IL1RAPL1: variants seen among roughly 807,000 people sequenced by gnomAD.
The protein encoded by IL1RAPL1 is interleukin 1 receptor accessory protein like 1, also known as interleukin-1 receptor accessory protein-like 1.
IL1RAPL1 carries 3 observed loss-of-function variants against 48.4 expected under a neutral mutation model. The ratio of observed to expected loss-of-function variants is 0.06; its 90% CI spans 0.03 to 0.16. The LOEUF (loss-of-function observed/expected upper bound fraction) is 0.16, where lower values mean the gene tolerates loss of function less well. Ranked by LOEUF, IL1RAPL1 falls within the 10% of genes least tolerant of loss-of-function variation. The pLI, the probability that IL1RAPL1 is intolerant of heterozygous loss-of-function variation, is 1.00. For missense variants in IL1RAPL1, 349 were observed against 530.6 expected (o/e 0.66, Z 3.36); for synonymous variants, 185 against 187.7 (o/e 0.99, Z 0.12).
chrX:28,652,604 G>A (rs926733185), intron 1 of IL1RAPL1, among the ~76,000 whole-genome samples: 2 of 111,876 alleles, frequency 1.8e-5, no homozygotes, highest in African/African-American at 6.5e-5. Context: ...CAATGCTGAC[G>A]GGGGACCACA....
intron 2 of IL1RAPL1, among the ~76,000 whole-genome samples, chrX:28,951,162 A>G (rs2147355312): frequency 1.0e-5 from 1 of 99,467 alleles, no homozygotes; most frequent in Admixed American, 1.1e-4. Flanking sequence ...TGGGAGATAT[A>G]CCTAATGCTA....
intron 1 of IL1RAPL1, among the ~76,000 whole-genome samples, chrX:28,638,833 C>T: frequency 9.0e-6 from 1 of 110,924 alleles, no homozygotes; most frequent in South Asian, 3.8e-4. Context: ...CTAACATGCA[C>T]ACTAAAAAGG....
intron 2 of IL1RAPL1, among the ~76,000 whole-genome samples, chrX:28,848,423 A>G (rs1921568161): frequency 9.4e-6 from 1 of 106,802 alleles, no homozygotes; most frequent in Non-Finnish European, 1.9e-5. Flanking sequence ...TCTAAATATT[A>G]GGGAATTCTG....
chrX:29,933,080 A>T (rs1486563000), intron 8 of IL1RAPL1, among the ~76,000 whole-genome samples: 1 of 111,661 alleles, frequency 9.0e-6, no homozygotes, highest in Non-Finnish European at 1.9e-5. Context: ...TGAATGAAAA[A>T]AAGAACAGAA....
intron 2 of IL1RAPL1, among the ~76,000 whole-genome samples, chrX:28,900,144 G>T (rs1260239744): frequency 1.8e-5 from 2 of 112,161 alleles, no homozygotes; most frequent in Admixed American, 1.9e-4. Flanking sequence ...CATGGGTAAG[G>T]TACTGAGCCT....
intron 2 of IL1RAPL1, among the ~76,000 whole-genome samples, chrX:28,945,750 G>A (rs913902493): frequency 3.7e-5 from 4 of 109,474 alleles, no homozygotes; most frequent in South Asian, 7.8e-4. Flanking sequence ...CTTGTATCCC[G>A]GAACGTAAAG....
intron 2 of IL1RAPL1, among the ~76,000 whole-genome samples, chrX:29,016,286 T>A (rs981267533): frequency 2.7e-5 from 3 of 111,611 alleles, no homozygotes; most frequent in African/African-American, 9.7e-5. Flanking sequence ...TTCTAGTGGC[T>A]TTGGCTAATA....
chrX:29,886,757 C>T (rs770967402), intron 6 of IL1RAPL1, among the ~76,000 whole-genome samples: 4 of 111,648 alleles, frequency 3.6e-5, no homozygotes, highest in Non-Finnish European at 5.7e-5. Flanking sequence ...AAATGCAATA[C>T]GGAGTAGCTC....
At chrX:29,667,377 C>T (rs1352140073) in intron 5 of IL1RAPL1, among the ~76,000 whole-genome samples, 1 of 112,375 alleles carries the variant, frequency 8.9e-6, no homozygotes, top group Non-Finnish European at 1.9e-5. Context: ...GTGGCCAACT[C>T]TTGGCAATTC....
At chrX:29,143,952 C>G (rs763075183) in intron 2 of IL1RAPL1, among the ~76,000 whole-genome samples, 5 of 111,643 alleles carry the variant, frequency 4.5e-5, no homozygotes, top group Non-Finnish European at 7.5e-5. Flanking sequence ...GCTTGGAGCT[C>G]TTGAGTATGA....
intron 5 of IL1RAPL1, among the ~76,000 whole-genome samples, chrX:29,448,535 A>T (rs1447775497): frequency 8.9e-6 from 1 of 112,330 alleles, no homozygotes; most frequent in Non-Finnish European, 1.9e-5. Flanking sequence ...ACTCTTTGAC[A>T]TGCATAATAC....
chrX:28,930,877 G>A (rs1007064951), intron 2 of IL1RAPL1, among the ~76,000 whole-genome samples: 4 of 110,854 alleles, frequency 3.6e-5, no homozygotes, highest in African/African-American at 6.6e-5. Flanking sequence ...TACTGACCTC[G>A]TGATCTGCTC....
chrX:29,222,045 T>C lies in IL1RAPL1; in HGVS notation c.83-60893T>C, dbSNP rs192161846. 7.3e-3 allele frequency among the ~76,000 whole-genome samples: 766 copies of C among 105,236 alleles called. 1 individual carries two copies. Among genetic ancestry groups the C allele is most frequent in the Middle Eastern group, 0.015 (3 of 202 alleles). 91.4% of individuals were successfully genotyped at this position (105,236 alleles called of 115,157 possible). A position where few individuals can be genotyped will look rare whatever the true frequency, so the allele number is the denominator to read the frequency against. On this transcript the variant is annotated intron_variant, in intron 2 of 10. Coordinates refer to ENST00000378993, the MANE Select transcript of IL1RAPL1 (RefSeq NM_014271.4). ...AAAAAAAAAAAAAAACCTGCACATG[T>C]ATATATTTCACCAAACAAATATAAG... is the stretch of plus-strand genomic sequence containing the variant.
intron 1 of IL1RAPL1, among the ~76,000 whole-genome samples, chrX:28,621,272 A>G (rs1934282829): frequency 8.9e-6 from 1 of 112,521 alleles, no homozygotes; most frequent in Non-Finnish European, 1.9e-5. Context: ...AAAATACCAC[A>G]GGCTACATAG....
intron 2 of IL1RAPL1, among the ~76,000 whole-genome samples, chrX:29,131,517 T>G (rs1240642492): frequency 9.0e-6 from 1 of 110,906 alleles, no homozygotes; most frequent in Non-Finnish European, 1.9e-5. Flanking sequence ...TGTTGGCTGT[T>G]TTGACCTATC....
intron 5 of IL1RAPL1, among the ~76,000 whole-genome samples, chrX:29,560,191 T>C (rs1922141794): frequency 9.0e-6 from 1 of 111,722 alleles, no homozygotes; most frequent in South Asian, 3.7e-4. Flanking sequence ...ATTTTTTTCC[T>C]CTTGTACTCC....
chrX:29,483,034 C>T (rs970389421), intron 5 of IL1RAPL1, among the ~76,000 whole-genome samples: 1 of 111,961 alleles, frequency 8.9e-6, no homozygotes, highest in African/African-American at 3.2e-5. Flanking sequence ...TTATTCAACT[C>T]CAGTGAACAT....
At chrX:28,928,625 T>C (rs1481216218) in intron 2 of IL1RAPL1, among the ~76,000 whole-genome samples, 2 of 111,970 alleles carry the variant, frequency 1.8e-5, no homozygotes, top group Non-Finnish European at 3.8e-5. Flanking sequence ...ATCATCTCTA[T>C]GTGGGCTTCT....
At chrX:29,076,193 TCTAA>T (rs1383056590) in intron 2 of IL1RAPL1, among the ~76,000 whole-genome samples, 1 of 112,147 alleles carries the variant, frequency 8.9e-6, no homozygotes, top group Non-Finnish European at 1.9e-5. Context: ...ACTCATTGTT[TCTAA>T]CTCTTTCTAA....
Sources: allele counts gnomAD v4.1 joint callset (sites outside exome capture counted in the v4.1 genomes callset), GRCh38; gene constraint gnomAD v4.1.1; transcripts MANE v1.5; gene names NCBI Gene and HGNC (gene_info 2026-07-23, HGNC 2026-07-21).